The following ETFA variants were observed in gnomAD, a reference collection of about 807,000 sequenced individuals.
ETFA encodes the protein electron transfer flavoprotein subunit alpha.
A neutral mutation model predicts 46.2 loss-of-function variants in ETFA; 22 were observed. That is an observed-to-expected ratio of 0.48 (90% CI 0.34 to 0.68). The LOEUF (loss-of-function observed/expected upper bound fraction) is 0.68. Among genes scored for constraint, ETFA ranks in the 30% least tolerant of loss-of-function variants. ETFA has a pLI of 0.01. For synonymous variants in ETFA, 131 were observed against 139.9 expected (o/e 0.94, Z 0.45); for missense variants, 345 against 401.1 (o/e 0.86, Z 1.19).
chr15:76,289,172 G>A (rs550836762), intron 4 of ETFA, among the ~76,000 whole-genome samples: 1 of 152,104 alleles, frequency 6.6e-6, no homozygotes, highest in African/African-American at 2.4e-5. Context: ...GGCCTCAGCT[G>A]ATCCTCCTGC....
At chr15:76,305,908 TCTTG>T (rs2039935101) in intron 1 of ETFA, among the ~76,000 whole-genome samples, 1 of 150,642 alleles carries the variant, frequency 6.6e-6, no homozygotes, top group Admixed American at 6.7e-5. Flanking sequence ...TGAGACTGGG[TCTTG>T]CTTGCTATGT....
rs1171654443 is a variant in ETFA, at chr15:76,216,553, C to A, written c.*6G>T. 4 of 1,554,734 alleles carry A rather than the reference C, an allele frequency of 2.6e-6. No individual in the cohort carries two copies. Among genetic ancestry groups the A allele is most frequent in the African/African-American group, 1.4e-5 (1 of 73,822 alleles). ...AAAAGTTTTCTTTTTAAGGCATGAT[C>A]CTGATTCATTTTTTCTTCAATATCT... On this transcript the variant is annotated 3_prime_UTR_variant, in exon 12 of 12. Coordinates refer to ENST00000557943, the MANE Select transcript of ETFA (RefSeq NM_000126.4).
rs774023966 is a variant in ETFA, at chr15:76,283,812, C to G, written c.678G>C (p.Lys226Asn). ...ATAACAACTTAAAGTTCTCTCCACT[C>G]TTCAAGCCTCGACCTCATTTAAAAA... ...KVVVSGGRGL[K>N]SGENFKLLYD... Residue 226 changes from lysine to asparagine, a missense_variant, in exon 8 of 12, where the codon AAG (lysine) becomes AAC (asparagine). By Grantham distance (94) the Lys-to-Asn change is moderately conservative. Transcript: ENST00000557943. 3 of 1,610,908 alleles carry G rather than the reference C, an allele frequency of 1.9e-6. No individual in the cohort carries two copies. The highest frequency in any genetic ancestry group is 2.2e-5 in the South Asian group (2 of 90,830).
intron 9 of ETFA, chr15:76,261,036 A>G (rs1300642445): frequency 4.4e-6 from 7 of 1,597,030 alleles, no homozygotes; most frequent in Non-Finnish European, 6.0e-6. Flanking sequence ...GACTGCAGGC[A>G]GTGCTTGAAG....
chr15:76,232,016 ACAC>A (rs1319693123), intron 9 of ETFA, among the ~76,000 whole-genome samples: 1 of 152,134 alleles, frequency 6.6e-6, no homozygotes, highest in Non-Finnish European at 1.5e-5. Flanking sequence ...ACACACACAC[ACAC>A]ATTCTCTCTG....
chr15:76,269,484 C>T (rs1244949940), intron 9 of ETFA, among the ~76,000 whole-genome samples: 2 of 152,220 alleles, frequency 1.3e-5, no homozygotes, highest in Non-Finnish European at 2.9e-5. Flanking sequence ...TTTCAACCCC[C>T]ACATCCTCAC....
chr15:76,287,398 G>A (rs1315231572), intron 5 of ETFA, among the ~76,000 whole-genome samples: 1 of 152,098 alleles, frequency 6.6e-6, no homozygotes, highest in Non-Finnish European at 1.5e-5. Context: ...AAACTCCTGA[G>A]TTCAAGTAAT....
chr15:76,285,593 A>G (rs1190807215), intron 7 of ETFA, 44 bp downstream of exon 7: 1 of 1,066,072 alleles, frequency 9.4e-7, no homozygotes, highest in African/African-American at 1.6e-5. Context: ...AAAAAAATCA[A>G]AGTATTTTCA....
chr15:76,271,654 GTATCAATGTTAA>G (rs539160210), intron 9 of ETFA, among the ~76,000 whole-genome samples: 7 of 152,150 alleles, frequency 4.6e-5, no homozygotes, highest in Non-Finnish European at 1.0e-4. Context: ...ATGGTATTAT[GTATCAATGTTAA>G]TATCCTAATT....
intron 9 of ETFA, among the ~76,000 whole-genome samples, chr15:76,237,469 T>C (rs999136996): frequency 2.6e-5 from 4 of 152,212 alleles, no homozygotes; most frequent in Admixed American, 2.0e-4. Flanking sequence ...AAGAAACTAC[T>C]ACATTATTCA....
chr15:76,233,447 G>A lies in ETFA; in HGVS notation c.817-2049C>T, dbSNP rs373877270. Among the ~76,000 whole-genome samples the A allele has an allele frequency of 2.0e-4, 29 of 145,774 alleles. No individual in the cohort carries two copies. The East Asian group carries it at 4.9e-3, about 25-fold the overall frequency. Reference sequence around the variant, plus strand: ...CAGGTTCAAGCGATTCTCCCGCCTCGGCCTCCCGAGCAGCTGGGACTACAG... The same window carrying A: ...CAGGTTCAAGCGATTCTCCCGCCTCAGCCTCCCGAGCAGCTGGGACTACAG... On this transcript the variant is annotated intron_variant, in intron 9 of 11. Transcript: ENST00000557943.
At chr15:76,266,945 C>T (rs1567209380) in intron 9 of ETFA, among the ~76,000 whole-genome samples, 1 of 151,890 alleles carries the variant, frequency 6.6e-6, no homozygotes, top group Non-Finnish European at 1.5e-5. Flanking sequence ...ATTTAAAAAC[C>T]TTAAATGATT....
chr15:76,248,523 G>GA (rs1345986971), intron 9 of ETFA, among the ~76,000 whole-genome samples: 2 of 151,548 alleles, frequency 1.3e-5, no homozygotes, highest in Admixed American at 1.3e-4. Context: ...TATCAAAAAG[G>GA]AAAAAAATAA....
In ETFA at chr15:76,247,363, A is replaced by T. The variant is rs543278244; in HGVS notation, c.817-15965T>A. ...CCACGAGCAAAAGGAACACAAGGAG[A>T]CATACATTTTTTTAGATTTTTTTTC... On this transcript the variant is annotated intron_variant, in intron 9 of 11. Transcript: ENST00000557943. Among the ~76,000 whole-genome samples, 9 of 152,288 alleles carry T rather than the reference A, an allele frequency of 5.9e-5. No individual in the cohort carries two copies. In the South Asian group the frequency reaches 1.9e-3, roughly 32 times the overall value.
At chr15:76,308,625 AACCTTTCTAACAGAGT>A (rs1478753865) in intron 1 of ETFA, among the ~76,000 whole-genome samples, 8 of 152,264 alleles carry the variant, frequency 5.3e-5, no homozygotes, top group Non-Finnish European at 1.5e-5. Flanking sequence ...AAGGCTGAGG[AACCTTTCTAACAGAGT>A]AAAGAGACAT....
chr15:76,236,880 G>A (rs762003382), intron 9 of ETFA, among the ~76,000 whole-genome samples: 1 of 152,166 alleles, frequency 6.6e-6, no homozygotes, highest in Non-Finnish European at 1.5e-5. Flanking sequence ...TAAAACTCTA[G>A]ATGGACCTGA....
Position 76,271,167 on chromosome 15 carries a change from C to A in ETFA, c.816+3245G>T, listed in dbSNP as rs534605329. On this transcript the variant is annotated intron_variant, in intron 9 of 11. Transcript: ENST00000557943. The stretch of plus-strand genomic sequence containing the variant: ...CCTCAGCGACAGAGCGAGACTATGT[C>A]TCAAAAAAAAAAAAAAAAAAAAAGT... 3.5e-3 allele frequency among the ~76,000 whole-genome samples: 429 copies of A among 123,052 alleles called. 2 individuals are homozygous for A. The highest frequency in any genetic ancestry group is 5.8e-3 in the Non-Finnish European group (359 of 62,108). 80.7% of individuals were successfully genotyped at this position (123,052 alleles called of 152,430 possible).
intron 9 of ETFA, among the ~76,000 whole-genome samples, chr15:76,265,880 G>A (rs750974104): frequency 7.2e-5 from 11 of 152,172 alleles, no homozygotes; most frequent in Non-Finnish European, 1.5e-4. Flanking sequence ...GACTGGATTG[G>A]AGTATCATTT....
In ETFA at chr15:76,287,953, C is replaced by A. The variant is rs767560884; in HGVS notation, c.352-8G>T. ...TACTCTGGGCAAAAGGTTCTAAAAG[C>A]AAAATAAGCAGTGAGTTAACACACA... On this transcript the variant is annotated splice_polypyrimidine_tract_variant and splice_region_variant and intron_variant, in intron 4 of 11. Transcript: ENST00000557943. The A allele has an allele frequency of 5.0e-6, 8 of 1,595,734 alleles. No homozygotes were observed. The Admixed American group carries it at 1.0e-4, about 20-fold the overall frequency.
Sources: gnomAD v4.1 joint callset for allele counts (sites outside exome capture counted in the v4.1 genomes callset) on GRCh38, gnomAD v4.1.1 for gene constraint, MANE v1.5 for transcripts, NCBI Gene and HGNC (gene_info 2026-07-23, HGNC 2026-07-21) for gene names.